LRRC28: variants seen among roughly 807,000 people sequenced by gnomAD.
LRRC28 encodes leucine-rich repeat-containing protein 28.
Under a neutral mutation model 45.7 loss-of-function variants are expected in LRRC28, and 39 were observed. The ratio of observed to expected loss-of-function variants is 0.85; its 90% confidence interval spans 0.66 to 1.12. The LOEUF is 1.12. Ranked by LOEUF, LRRC28 falls within the 50% of genes most tolerant of loss-of-function variation. The probability of loss-of-function intolerance (pLI) is 0.00; values close to 1 mark genes in which losing one functional copy is unlikely to be tolerated. For missense variants in LRRC28, 435 were observed against 438.5 expected (o/e 0.99, Z 0.07); for synonymous variants, 206 against 178.8 (o/e 1.15, Z -1.22).
chr15:99,349,073 T>C (rs559677796), intron 6 of LRRC28, among the ~76,000 whole-genome samples: 3 of 152,292 alleles, frequency 2.0e-5, no homozygotes, highest in South Asian at 2.1e-4. Context: ...CTTTCTTTGG[T>C]AGGTTGTTAT....
chr15:99,305,502 T>C (rs1262203641), intron 5 of LRRC28, among the ~76,000 whole-genome samples: 2 of 152,192 alleles, frequency 1.3e-5, no homozygotes, highest in Non-Finnish European at 2.9e-5. Context: ...GTTTATGATG[T>C]TTGAATTTAA....
At chr15:99,256,953 G>T (rs1445733429) in intron 2 of LRRC28, among the ~76,000 whole-genome samples, 2 of 152,076 alleles carry the variant, frequency 1.3e-5, no homozygotes, top group African/African-American at 4.8e-5. Context: ...ACTCATTTTA[G>T]ATGATTTATG....
At chr15:99,360,498 A>G (rs143021893) in intron 7 of LRRC28, among the ~76,000 whole-genome samples, 204 of 152,284 alleles carry the variant, frequency 1.3e-3, no homozygotes, top group African/African-American at 4.0e-3. Flanking sequence ...ATGGAGAGAA[A>G]GAACAAATGA....
chr15:99,263,211 G>C (rs1319794500), intron 2 of LRRC28, among the ~76,000 whole-genome samples: 3 of 150,488 alleles, frequency 2.0e-5, no homozygotes, highest in African/African-American at 7.3e-5. Context: ...CCAGCTACTT[G>C]GGGGGTCTGA....
chr15:99,260,657 T>C (rs1018596442), intron 2 of LRRC28, among the ~76,000 whole-genome samples: 2 of 152,234 alleles, frequency 1.3e-5, no homozygotes, highest in Non-Finnish European at 2.9e-5. Flanking sequence ...GGTAAAACAT[T>C]ACTTTTCCTA....
intron 9 of LRRC28, among the ~76,000 whole-genome samples, chr15:99,364,200 C>T (rs1047450925): frequency 1.2e-4 from 19 of 152,154 alleles, no homozygotes; most frequent in African/African-American, 3.9e-4. Context: ...GTTGTGAGAA[C>T]GTGGGCAGGC....
At chr15:99,258,659 C>A (rs879229799) in intron 2 of LRRC28, 1 of 746,452 alleles carries the variant, frequency 1.3e-6, no homozygotes, top group Non-Finnish European at 2.4e-6. Context: ...AGAGACCATC[C>A]AAGAAGTAGA....
intron 2 of LRRC28, among the ~76,000 whole-genome samples, chr15:99,269,072 A>G (rs1192434803): frequency 2.6e-5 from 4 of 151,418 alleles, no homozygotes; most frequent in African/African-American, 9.7e-5. Flanking sequence ...TACTGGATGT[A>G]TAGTTTTTTT....
At chr15:99,300,077 C>CT (rs2082358014) in intron 5 of LRRC28, among the ~76,000 whole-genome samples, 2 of 151,702 alleles carry the variant, frequency 1.3e-5, no homozygotes, top group Non-Finnish European at 2.9e-5. Flanking sequence ...GCATTCTTCA[C>CT]TTTAGTATGA....
At chr15:99,257,799 C>T in intron 2 of LRRC28, 4 of 780,444 alleles carry the variant, frequency 5.1e-6, no homozygotes, top group Non-Finnish European at 9.5e-6. Context: ...AGAAGCTATT[C>T]AGTTGGATAA....
intron 2 of LRRC28, among the ~76,000 whole-genome samples, chr15:99,263,934 A>G (rs1232459114): frequency 6.6e-6 from 1 of 152,254 alleles, no homozygotes; most frequent in Non-Finnish European, 1.5e-5. Flanking sequence ...ACTCAATGGC[A>G]TAACGTTCGA....
chr15:99,324,810 A>AG (rs1179882225), intron 5 of LRRC28, among the ~76,000 whole-genome samples: 2 of 152,332 alleles, frequency 1.3e-5, no homozygotes, highest in Non-Finnish European at 2.9e-5. Flanking sequence ...GTTTGCTCCC[A>AG]GGGAAGGGGT....
chr15:99,308,879 C>CTGCA (rs1321140133), intron 5 of LRRC28, among the ~76,000 whole-genome samples: 1 of 152,186 alleles, frequency 6.6e-6, no homozygotes, highest in Non-Finnish European at 1.5e-5. Context: ...TTGGCCAGGG[C>CTGCA]TGCAGTCTCA....
At chr15:99,300,997 C>T (rs1954948417) in intron 5 of LRRC28, among the ~76,000 whole-genome samples, 1 of 152,114 alleles carries the variant, frequency 6.6e-6, no homozygotes, top group Non-Finnish European at 1.5e-5. Context: ...GCTCTGTGTA[C>T]ATAATCAGTG....
intron 2 of LRRC28, among the ~76,000 whole-genome samples, chr15:99,266,629 C>T (rs1475570324): frequency 6.6e-6 from 1 of 152,152 alleles, no homozygotes; most frequent in East Asian, 1.9e-4. Context: ...GTGTTTGAAT[C>T]GGCATTTTCA....
At chr15:99,338,662 A>G (rs1277408834) in intron 6 of LRRC28, among the ~76,000 whole-genome samples, 1 of 152,214 alleles carries the variant, frequency 6.6e-6, no homozygotes, top group Non-Finnish European at 1.5e-5. Context: ...TTTCTTGCCA[A>G]AGAAGTGTGA....
chr15:99,324,345 A>G (rs1355919508), intron 5 of LRRC28, among the ~76,000 whole-genome samples: 4 of 152,244 alleles, frequency 2.6e-5, no homozygotes, highest in African/African-American at 9.6e-5. Context: ...TGGGTAACTG[A>G]AACCTCAGAA....
At chr15:99,259,775 G>A (rs2081139405) in intron 2 of LRRC28, 3 of 1,246,564 alleles carry the variant, frequency 2.4e-6, no homozygotes, top group South Asian at 2.4e-5. Context: ...GTTTGAAACA[G>A]CAATGCAGCA....
intron 2 of LRRC28, among the ~76,000 whole-genome samples, chr15:99,270,418 C>G (rs1164197792): frequency 6.6e-6 from 1 of 151,948 alleles, no homozygotes; most frequent in African/African-American, 2.4e-5. Context: ...GCAGTTCCTC[C>G]CCATTGCCCC....
Sources: gnomAD v4.1 joint callset for allele counts (sites outside exome capture counted in the v4.1 genomes callset) on GRCh38, gnomAD v4.1.1 for gene constraint, MANE v1.5 for transcripts, NCBI Gene and HGNC (gene_info 2026-07-23, HGNC 2026-07-21) for gene names.